Variants in FRMPD4 observed in about 807,000 individuals in gnomAD.
The protein encoded by FRMPD4 is FERM and PDZ domain-containing protein 4.
In FRMPD4, 22 loss-of-function variants were observed where a neutral mutation model predicts 94.1. The observed-to-expected ratio is 0.23, with a 90% confidence interval of 0.17 to 0.33. FRMPD4 has a LOEUF of 0.33. Among genes scored for constraint, FRMPD4 ranks in the 10% least tolerant of loss-of-function variants. The pLI is 1.00. For synonymous variants in FRMPD4, 631 were observed against 548.6 expected (o/e 1.15, Z -2.10); for missense variants, 1,111 against 1,339.9 (o/e 0.83, Z 2.67).
At chrX:12,485,539 GA>G (rs35438362) in intron 1 of FRMPD4, among the ~76,000 whole-genome samples, 48,032 of 110,662 alleles carry the variant, frequency 0.43, 8,860 homozygotes, top group South Asian at 0.69. Context: ...TGTGGATGCT[GA>G]TAGACCTTCT....
intron 2 of FRMPD4, 69 bp from the exon 3 acceptor site, chrX:12,609,652 A>G: frequency 3.3e-6 from 3 of 909,625 alleles, no homozygotes; most frequent in South Asian, 4.4e-5. Context: ...TAAAGAGAAT[A>G]TGATTGCCAG....
chrX:12,251,892 A>C (rs1364411307), intron 1 of FRMPD4, among the ~76,000 whole-genome samples: 1 of 112,027 alleles, frequency 8.9e-6, no homozygotes, highest in African/African-American at 3.2e-5. Context: ...CATTAGGCAA[A>C]GTGGCCGACC....
At chrX:11,930,106 T>TA (rs2054113450) in intron 3 of FRMPD4, among the ~76,000 whole-genome samples, 1 of 10,240 alleles carries the variant, frequency 9.8e-5, no homozygotes, top group Non-Finnish European at 1.8e-4. Context: ...AGACTCTGTC[T>TA]CAAAAAAAAA....
chrX:12,046,688 G>A (rs756251004), intron 3 of FRMPD4, among the ~76,000 whole-genome samples: 1 of 112,261 alleles, frequency 8.9e-6, no homozygotes, highest in South Asian at 3.7e-4. Flanking sequence ...TGAAGGGTGA[G>A]GGATGGGGGA....
intron 2 of FRMPD4, among the ~76,000 whole-genome samples, chrX:12,551,851 TAA>T (rs1457884129): frequency 2.7e-5 from 3 of 111,494 alleles, no homozygotes; most frequent in Non-Finnish European, 3.8e-5. Context: ...GCTTAAACAT[TAA>T]GTTACCAGGT....
At chrX:12,305,725 G>GTTTTTTTTTGT (rs563804861) in intron 1 of FRMPD4, among the ~76,000 whole-genome samples, 4 of 59,701 alleles carry the variant, frequency 6.7e-5, no homozygotes, top group African/African-American at 3.0e-4. Flanking sequence ...AGCTGGCTAA[G>GTTTTTTTTTGT]TTTTTTTTTT....
At chrX:12,497,128 C>A (rs2057859395) in intron 1 of FRMPD4, among the ~76,000 whole-genome samples, 1 of 111,208 alleles carries the variant, frequency 9.0e-6, no homozygotes, top group Non-Finnish European at 1.9e-5. Flanking sequence ...AATAAGTTAG[C>A]CTCCTCTGGG....
intron 3 of FRMPD4, among the ~76,000 whole-genome samples, chrX:12,075,769 A>T (rs1435160273): frequency 8.9e-6 from 1 of 112,186 alleles, no homozygotes; most frequent in Non-Finnish European, 1.9e-5. Flanking sequence ...GTGGTTGCTG[A>T]ATTAGTTTGC....
chrX:12,638,325 C>A (rs2059461508), intron 4 of FRMPD4, among the ~76,000 whole-genome samples: 1 of 112,250 alleles, frequency 8.9e-6, no homozygotes, highest in Non-Finnish European at 1.9e-5. Flanking sequence ...TGCAGTACTG[C>A]ACCTGGGCTC....
At chrX:12,507,267 A>G (rs1038413721) in intron 2 of FRMPD4, among the ~76,000 whole-genome samples, 5 of 112,374 alleles carry the variant, frequency 4.4e-5, no homozygotes, top group African/African-American at 1.6e-4. Flanking sequence ...CCTCTAAGCC[A>G]GGTCAGCAAA....
rs57946725 is a variant in FRMPD4 at position 12,547,011 on chromosome X, TAAAAAAAAAAA to T, written c.158+48234_158+48244del. Among the ~76,000 whole-genome samples the T allele has an allele frequency of 8.9e-3, 302 of 33,780 alleles. 4 individuals carry two copies. Among genetic ancestry groups the T allele is most frequent in the Non-Finnish European group, 0.013 (264 of 20,847 alleles). 29.3% of individuals were successfully genotyped at this position (33,780 alleles called of 115,157 possible). A position where few individuals can be genotyped will look rare whatever the true frequency, so the allele number is the denominator to read the frequency against. On this transcript the variant is annotated intron_variant, in intron 2 of 16. Coordinates refer to ENST00000675598, the MANE Select transcript of FRMPD4 (RefSeq NM_001368397.1). Reference sequence around the variant, plus strand: ...GGGTGACAGAGCAAGACTGTCTCTTTAAAAAAAAAAAAAAAAAAAAAAAAAAAAAGCTTATT... The same window carrying T: ...GGGTGACAGAGCAAGACTGTCTCTTTAAAAAAAAAAAAAAAAAAGCTTATT...
chrX:11,851,950 CAAA>C (rs201359187), intron 1 of FRMPD4, among the ~76,000 whole-genome samples: 4,676 of 68,985 alleles, frequency 0.068, 286 homozygotes, highest in African/African-American at 0.2. Flanking sequence ...AAATATTATA[CAAA>C]AAAAAAAAAA....
At chrX:12,615,279 CAT>C (rs1309836906) in intron 4 of FRMPD4, among the ~76,000 whole-genome samples, 1 of 112,333 alleles carries the variant, frequency 8.9e-6, no homozygotes, top group Non-Finnish European at 1.9e-5. Context: ...GATATACAAA[CAT>C]ACAGTTCACT....
intron 1 of FRMPD4, among the ~76,000 whole-genome samples, chrX:12,267,543 A>G (rs953526996): frequency 8.9e-6 from 1 of 112,724 alleles, no homozygotes; most frequent in African/African-American, 3.2e-5. Flanking sequence ...GAATGACGTT[A>G]AGCTGTTATT....
intron 8 of FRMPD4, among the ~76,000 whole-genome samples, chrX:12,690,571 C>T (rs989087257): frequency 2.7e-5 from 3 of 112,396 alleles, no homozygotes; most frequent in Admixed American, 9.4e-5. Context: ...ACCAGCTGCA[C>T]ATTGAGAATA....
At chrX:12,533,689 T>G (rs1316712003) in intron 2 of FRMPD4, among the ~76,000 whole-genome samples, 1 of 112,144 alleles carries the variant, frequency 8.9e-6, no homozygotes. Flanking sequence ...ATTTTGCCCC[T>G]GCCCTAGAGA....
chrX:12,120,214 G>A (rs779334363), intron 3 of FRMPD4, among the ~76,000 whole-genome samples: 17 of 112,233 alleles, frequency 1.5e-4, no homozygotes, highest in African/African-American at 5.2e-4. Flanking sequence ...ATGAGATTAC[G>A]GGAATGAGGA....
chrX:12,520,002 T>A (rs755054584), intron 2 of FRMPD4, among the ~76,000 whole-genome samples: 1 of 111,944 alleles, frequency 8.9e-6, no homozygotes, highest in East Asian at 2.8e-4. Flanking sequence ...CCTCAAAAAA[T>A]TAAAAATATA....
chrX:12,362,776 G>C (rs2056015115), intron 1 of FRMPD4, among the ~76,000 whole-genome samples: 1 of 111,749 alleles, frequency 8.9e-6, no homozygotes, highest in Admixed American at 9.4e-5. Flanking sequence ...TTGACGAATC[G>C]CCACACTGTC....
Sources: allele counts gnomAD v4.1 joint callset (sites outside exome capture counted in the v4.1 genomes callset), GRCh38; gene constraint gnomAD v4.1.1; transcripts MANE v1.5; gene names NCBI Gene and HGNC (gene_info 2026-07-23, HGNC 2026-07-21).